Variants in ZSCAN4 observed in about 807,000 individuals in gnomAD.
ZSCAN4 encodes zinc finger and SCAN domain-containing protein 4.
Under a neutral mutation model 18.3 loss-of-function variants are expected in ZSCAN4, and 18 were observed. The observed-to-expected ratio is 0.98, with a 90% CI of 0.68 to 1.46. The LOEUF is 1.46. Ranked by LOEUF, ZSCAN4 falls within the 40% of genes most tolerant of loss-of-function variation. ZSCAN4 has a pLI of 0.00. For synonymous variants in ZSCAN4, 193 were observed against 180.3 expected (o/e 1.07, Z -0.57); for missense variants, 498 against 511.4 (o/e 0.97, Z 0.25).
chr19:57,664,694 GAGA>G (rs1484839895), upstream of ZSCAN4: 1 of 220,632 alleles, frequency 4.5e-6, no homozygotes, highest in African/African-American at 2.3e-5. Flanking sequence ...CTCAACAAGC[GAGA>G]AGGTTTTGGG....
the ZSCAN4 span, among the ~76,000 whole-genome samples, chr19:57,654,802 A>G: frequency 6.6e-6 from 1 of 152,138 alleles, no homozygotes; most frequent in East Asian, 1.9e-4. Context: ...TCACCTGGAC[A>G]GATCCTGATA....
chr19:57,655,076 G>C, the ZSCAN4 span, among the ~76,000 whole-genome samples: 1 of 152,090 alleles, frequency 6.6e-6, no homozygotes, highest in South Asian at 2.1e-4. Flanking sequence ...CCCAACCCCA[G>C]GTTACCTACC....
rs772392346 is a variant in ZSCAN4 at position 57,678,670 on chromosome 19, G to A, written c.1067G>A (p.Arg356Gln). Reference sequence around the variant, plus strand: ...GGCTTCTTCCAGATATCAGACCTACGGGTGCATCAGATAATTCACACAGGA... The same window carrying A: ...GGCTTCTTCCAGATATCAGACCTACAGGTGCATCAGATAATTCACACAGGA... The change falls in exon 5 of 5, where the codon CGG (arginine) becomes CAG (glutamine). Residue 356 changes from arginine to glutamine, a missense_variant. Transcript: ENST00000318203. 18 of 1,613,938 alleles carry A rather than the reference G, an allele frequency of 1.1e-5. No individual in the cohort carries two copies. In the Admixed American group the frequency reaches 2.0e-4, roughly 18 times the overall value.
chr19:57,677,511 A>C, intron 3 of ZSCAN4, among the ~76,000 whole-genome samples: 1 of 152,160 alleles, frequency 6.6e-6, no homozygotes, highest in Non-Finnish European at 1.5e-5. Context: ...TAAGTGCAGG[A>C]AAGTTGCTAT....
At chr19:57,663,519 CTAAA>C in the ZSCAN4 span, among the ~76,000 whole-genome samples, 1 of 18,314 alleles carries the variant, frequency 5.5e-5, no homozygotes, top group African/African-American at 2.2e-4. Flanking sequence ...AACCATGTCT[CTAAA>C]AAAAAAAAAA....
rs754947286 is a variant in ZSCAN4, at chr19:57,678,437, A to G, written c.834A>G (p.Pro278=). The change falls in exon 5 of 5, where the codon CCA becomes CCG. Residue 278 remains proline, a synonymous_variant. Coordinates refer to ENST00000318203, the Ensembl canonical transcript of ZSCAN4. Reference sequence around the variant, plus strand: ...TGGGAGCAGGGTGTATCTCTCAACCAGAGCAGTCCTCCCCTGAGTCTGCCC... The same window carrying G: ...TGGGAGCAGGGTGTATCTCTCAACCGGAGCAGTCCTCCCCTGAGTCTGCCC... 3 of 1,614,024 alleles carry G rather than the reference A, an allele frequency of 1.9e-6. No homozygotes were observed. The East Asian group carries it at 6.7e-5, about 36-fold the overall frequency.
the ZSCAN4 span, among the ~76,000 whole-genome samples, chr19:57,661,942 G>A: frequency 2.6e-5 from 4 of 152,050 alleles, no homozygotes; most frequent in Non-Finnish European, 5.9e-5. Flanking sequence ...TTAGCTGGAT[G>A]TGGTGGTGCA....
chr19:57,676,074 A>G, exon 3 of ZSCAN4: 3 of 1,457,018 alleles, frequency 2.1e-6, no homozygotes, highest in Middle Eastern at 1.8e-4. Context: ...AACTGTTGAA[A>G]CAAATCCCTA....
chr19:57,660,910 G>A, the ZSCAN4 span, among the ~76,000 whole-genome samples: 4 of 152,260 alleles, frequency 2.6e-5, no homozygotes, highest in African/African-American at 9.6e-5. Flanking sequence ...GAATCCTTCA[G>A]ATCAGGATAA....
upstream of ZSCAN4, among the ~76,000 whole-genome samples, chr19:57,666,165 T>C (rs994615114): frequency 6.6e-6 from 1 of 152,178 alleles, no homozygotes; most frequent in Non-Finnish European, 1.5e-5. Flanking sequence ...CTGCCATGGT[T>C]CCTACAGGTC....
chr19:57,662,327 T>C, the ZSCAN4 span, among the ~76,000 whole-genome samples: 2 of 152,116 alleles, frequency 1.3e-5, no homozygotes, highest in Non-Finnish European at 2.9e-5. Context: ...TTATATGTTG[T>C]ATTTTTTTCT....
the ZSCAN4 span, among the ~76,000 whole-genome samples, chr19:57,655,095 A>G: frequency 3.9e-5 from 6 of 152,194 alleles, no homozygotes; most frequent in African/African-American, 1.4e-4. Context: ...CCTTGGACTT[A>G]TCCTAATCCC....
chr19:57,653,850 C>T, the ZSCAN4 span, among the ~76,000 whole-genome samples: 1 of 152,304 alleles, frequency 6.6e-6, no homozygotes, highest in South Asian at 2.1e-4. Flanking sequence ...TATCAAGGGA[C>T]ACTGGAAGTC....
At chr19:57,671,380 G>A (rs963270230) in intron 2 of ZSCAN4, among the ~76,000 whole-genome samples, 1 of 151,944 alleles carries the variant, frequency 6.6e-6, no homozygotes, top group African/African-American at 2.4e-5. Context: ...GTGGGACGGA[G>A]TGCATGTCTC....
chr19:57,654,753 C>G, the ZSCAN4 span, among the ~76,000 whole-genome samples: 1 of 152,166 alleles, frequency 6.6e-6, no homozygotes. Context: ...CCTTTTTTCA[C>G]CATCCCCTTG....
At chr19:57,677,871 C>T in intron 3 of ZSCAN4, 43 bp from the exon 4 acceptor site, 1 of 1,485,134 alleles carries the variant, frequency 6.7e-7, no homozygotes, top group Non-Finnish European at 8.9e-7. Flanking sequence ...TCTTCTGTTA[C>T]ACAACAGATT....
chr19:57,678,934 T>A, exon 5 of ZSCAN4: 1 of 1,537,904 alleles, frequency 6.5e-7, no homozygotes, highest in Non-Finnish European at 8.7e-7. Flanking sequence ...TGTATAAATA[T>A]GTATGCAAGT....
the ZSCAN4 span, among the ~76,000 whole-genome samples, chr19:57,657,554 A>G: frequency 0.15 from 23,141 of 152,108 alleles, 3,072 homozygotes; most frequent in African/African-American, 0.36. Context: ...TTTGGAAAAC[A>G]CTGTAGCCGT....
chr19:57,656,046 A>G, the ZSCAN4 span, among the ~76,000 whole-genome samples: 1 of 152,126 alleles, frequency 6.6e-6, no homozygotes, highest in Non-Finnish European at 1.5e-5. Context: ...TGCATACCAC[A>G]TTCTACACTC....
Sources: allele counts gnomAD v4.1 joint callset (sites outside exome capture counted in the v4.1 genomes callset), GRCh38; gene constraint gnomAD v4.1.1; transcripts MANE v1.5; gene names NCBI Gene and HGNC (gene_info 2026-07-23, HGNC 2026-07-21).